SLIT3: variants seen among roughly 807,000 people sequenced by gnomAD.
SLIT3 encodes slit guidance ligand 3, also known as slit homolog 3 protein.
SLIT3 carries 68 observed loss-of-function variants against 184.0 expected under a neutral mutation model. That is an observed-to-expected ratio of 0.37 (90% confidence interval 0.30 to 0.45). The LOEUF (loss-of-function observed/expected upper bound fraction) is 0.45. SLIT3 is among the 20% of genes least tolerant of loss of function. SLIT3 has a pLI of 1.00. For synonymous variants in SLIT3, 831 were observed against 828.6 expected (o/e 1.00, Z -0.05); for missense variants, 1,707 against 2,026.0 (o/e 0.84, Z 3.02).
chr5:169,236,478 GTTTTT>G (rs56961775), intron 3 of SLIT3, among the ~76,000 whole-genome samples: 2 of 143,662 alleles, frequency 1.4e-5, no homozygotes, highest in East Asian at 4.1e-4. Context: ...GTTTTGTTTT[GTTTTT>G]TTTTTTTTTG....
At position 168,665,401 on chromosome 5, in the gene SLIT3, T is replaced by G. The variant is rs1177991589; in HGVS notation, c.*1053A>C. On this transcript the variant is annotated 3_prime_UTR_variant, in exon 36 of 36. Coordinates refer to ENST00000519560, the MANE Select transcript of SLIT3 (RefSeq NM_003062.4). ...GGACATCTAGCGCTGTGGGCAGACT[T>G]GACTTGGCTCCCAGCCTTCCGCTTC... is the stretch of plus-strand genomic sequence containing the variant. The G allele has an allele frequency of 6.6e-6, 1 of 152,202 alleles. No individual in the cohort carries two copies. Among genetic ancestry groups the G allele is most frequent in the Non-Finnish European group, 1.5e-5 (1 of 68,058 alleles). The allele number at this position is 152,202 out of a possible 1,614,324, so 9.4% of individuals were successfully genotyped here. A position where few individuals can be genotyped will look rare whatever the true frequency, so the allele number is the denominator to read the frequency against.
chr5:169,221,096 T>C (rs994554422), intron 3 of SLIT3, among the ~76,000 whole-genome samples: 4 of 152,220 alleles, frequency 2.6e-5, no homozygotes, highest in Non-Finnish European at 5.9e-5. Context: ...ACTGCAGTCA[T>C]TGTGAGGGCT....
At chr5:168,852,685 C>G (rs962557457) in intron 5 of SLIT3, among the ~76,000 whole-genome samples, 1 of 152,226 alleles carries the variant, frequency 6.6e-6, no homozygotes, top group Non-Finnish European at 1.5e-5. Context: ...TTTCACATTT[C>G]TAGCCCATAC....
chr5:168,862,705 G>C (rs1166529393), intron 5 of SLIT3, among the ~76,000 whole-genome samples: 3 of 149,408 alleles, frequency 2.0e-5, no homozygotes, highest in African/African-American at 7.5e-5. Flanking sequence ...ATGGAGTTTT[G>C]CTCTTGTCGC....
chr5:169,131,292 C>A (rs189717261), intron 4 of SLIT3, among the ~76,000 whole-genome samples: 44 of 152,278 alleles, frequency 2.9e-4, no homozygotes, highest in Non-Finnish European at 6.2e-4. Context: ...GTTCTCCGAG[C>A]GCAGTACCTG....
At chr5:169,002,322 C>CAAAAAAATAAAAAAAAAAAAAAAAA (rs1755732471) in intron 4 of SLIT3, among the ~76,000 whole-genome samples, 1 of 24,198 alleles carries the variant, frequency 4.1e-5, no homozygotes, top group African/African-American at 1.4e-4. Flanking sequence ...GACTCTGTCT[C>CAAAAAAATAAAAAAAAAAAAAAAAA]AAAAAAAAAA....
At chr5:169,260,427 G>A (rs1310591342) in intron 1 of SLIT3, among the ~76,000 whole-genome samples, 4 of 152,218 alleles carry the variant, frequency 2.6e-5, no homozygotes, top group South Asian at 2.1e-4. Flanking sequence ...GATGCAGGAA[G>A]GATCAGACCG....
chr5:168,763,810 C>A (rs1055268321), intron 14 of SLIT3, among the ~76,000 whole-genome samples: 2 of 152,152 alleles, frequency 1.3e-5, no homozygotes, highest in African/African-American at 2.4e-5. Context: ...TAGCACAATG[C>A]GAGACACAAA....
intron 4 of SLIT3, among the ~76,000 whole-genome samples, chr5:169,060,411 CAAACAAA>C (rs1329334662): frequency 1.3e-5 from 2 of 152,068 alleles, no homozygotes; most frequent in East Asian, 3.9e-4. Flanking sequence ...AACAAACAAA[CAAACAAA>C]AAACACTGAG....
intron 1 of SLIT3, among the ~76,000 whole-genome samples, chr5:169,267,776 C>T (rs1166196512): frequency 6.6e-6 from 1 of 152,182 alleles, no homozygotes; most frequent in East Asian, 1.9e-4. Flanking sequence ...CCTGGTTGCC[C>T]ACCATGTCTT....
chr5:168,847,126 G>A (rs1256349129), intron 5 of SLIT3, among the ~76,000 whole-genome samples: 1 of 152,206 alleles, frequency 6.6e-6, no homozygotes, highest in African/African-American at 2.4e-5. Context: ...ATTACGTGAC[G>A]TTTAAATATT....
At chr5:168,981,228 G>GT (rs1338640612) in intron 4 of SLIT3, among the ~76,000 whole-genome samples, 1 of 152,122 alleles carries the variant, frequency 6.6e-6, no homozygotes, top group East Asian at 1.9e-4. Flanking sequence ...TTTGGACCAC[G>GT]TGTCAGTTTA....
chr5:168,787,146 TAAATA>T (rs559706851), intron 11 of SLIT3, among the ~76,000 whole-genome samples: 3 of 152,224 alleles, frequency 2.0e-5, no homozygotes, highest in Non-Finnish European at 4.4e-5. Flanking sequence ...AATTAATGAC[TAAATA>T]AAAGTCAGCA....
At chr5:168,815,578 T>A (rs539029676) in intron 8 of SLIT3, among the ~76,000 whole-genome samples, 1 of 152,346 alleles carries the variant, frequency 6.6e-6, no homozygotes, top group East Asian at 1.9e-4. Context: ...GGTTTTATTA[T>A]ATGTGTTTGA....
chr5:169,190,673 A>G (rs903324297), intron 4 of SLIT3, among the ~76,000 whole-genome samples: 2 of 152,222 alleles, frequency 1.3e-5, no homozygotes, highest in African/African-American at 4.8e-5. Flanking sequence ...TAGTATCAAG[A>G]ATTGTTTATC....
At position 169,244,788 on chromosome 5, in the gene SLIT3, G is replaced by A; in HGVS notation, c.270-12C>T. The A allele has an allele frequency of 1.9e-6, 3 of 1,612,912 alleles. No individual in the cohort carries two copies. The highest frequency in any genetic ancestry group is 2.5e-6 in the Non-Finnish European group (3 of 1,179,602). On this transcript the variant is annotated splice_polypyrimidine_tract_variant and intron_variant, in intron 2 of 35. Coordinates refer to ENST00000519560, the MANE Select transcript of SLIT3 (RefSeq NM_003062.4). ...TGTCTTCCAGATGCCTACAACCACA[G>A]AGACAGCAATGACTAAGGACAAAGC...
intron 4 of SLIT3, among the ~76,000 whole-genome samples, chr5:169,089,970 C>G (rs1759507594): frequency 6.6e-6 from 1 of 152,194 alleles, no homozygotes; most frequent in African/African-American, 2.4e-5. Context: ...CCAAGAGAAT[C>G]AAAACCACTT....
chr5:168,907,977 T>TAGAGAGAGAGAG (rs1306645535), intron 4 of SLIT3, among the ~76,000 whole-genome samples: 18 of 62,234 alleles, frequency 2.9e-4, no homozygotes, highest in African/African-American at 9.9e-4. Context: ...TATATATATA[T>TAGAGAGAGAGAG]ATAGAGAGAG....
chr5:169,220,599 A>T (rs1426945304), intron 3 of SLIT3, among the ~76,000 whole-genome samples: 4 of 152,234 alleles, frequency 2.6e-5, no homozygotes, highest in Non-Finnish European at 5.9e-5. Flanking sequence ...GACAGACGAC[A>T]ATAGCTACAT....
Sources: gnomAD v4.1 joint callset for allele counts (sites outside exome capture counted in the v4.1 genomes callset) on GRCh38, gnomAD v4.1.1 for gene constraint, MANE v1.5 for transcripts, NCBI Gene and HGNC (gene_info 2026-07-23, HGNC 2026-07-21) for gene names.